Variants in ANKDD1B observed in about 807,000 individuals in gnomAD.
ANKDD1B encodes ankyrin repeat and death domain containing 1B.
A neutral mutation model predicts 59.7 loss-of-function variants in ANKDD1B; 57 were observed. That is an observed-to-expected ratio of 0.95 (90% CI 0.77 to 1.19). The LOEUF (loss-of-function observed/expected upper bound fraction) is 1.19, where lower values mean the gene tolerates loss of function less well. Among genes scored for constraint, ANKDD1B ranks in the 50% most tolerant of loss-of-function variants. ANKDD1B has a pLI of 0.00. For synonymous variants in ANKDD1B, 216 were observed against 239.5 expected (o/e 0.90, Z 0.91); for missense variants, 602 against 641.9 (o/e 0.94, Z 0.67).
At chr5:75,627,283 C>CATATAATTTTTTTTTA (rs1337222089) in intron 5 of ANKDD1B, among the ~76,000 whole-genome samples, 1 of 152,126 alleles carries the variant, frequency 6.6e-6, no homozygotes, top group East Asian at 1.9e-4. Context: ...TCTTGTCCCA[C>CATATAATTTTTTTTTA]ATATAATTTT....
At chr5:75,649,283 G>C (rs34350) in intron 7 of ANKDD1B, among the ~76,000 whole-genome samples, 89,335 of 149,464 alleles carry the variant, frequency 0.6, 30,142 homozygotes, top group Non-Finnish European at 0.74. Context: ...ATTTATGATT[G>C]ACTCTGATTT....
At chr5:75,632,133 G>GAAAAAA (rs1332522946) in intron 5 of ANKDD1B, among the ~76,000 whole-genome samples, 1 of 148,014 alleles carries the variant, frequency 6.8e-6, no homozygotes, top group South Asian at 2.1e-4. Flanking sequence ...AGAAGAAAAA[G>GAAAAAA]AAAAAAAGAC....
chr5:75,637,962 A>T (rs1774361206), intron 7 of ANKDD1B, among the ~76,000 whole-genome samples: 1 of 152,222 alleles, frequency 6.6e-6, no homozygotes, highest in African/African-American at 2.4e-5. Flanking sequence ...GCATGTGCTC[A>T]AACAACGACA....
Position 75,666,982 on chromosome 5 carries a change from A to G in ANKDD1B, c.1382A>G (p.Glu461Gly). 2 of 1,479,360 alleles carry G rather than the reference A, an allele frequency of 1.4e-6. No homozygotes were observed. The highest frequency in any genetic ancestry group is 1.8e-6 in the Non-Finnish European group (2 of 1,121,704). 91.6% of individuals were successfully genotyped at this position (1,479,360 alleles called of 1,614,324 possible). Residue 461 changes from glutamate to glycine, a missense_variant, in exon 12 of 14, where the codon GAG (glutamate) becomes GGG (glycine). Glu to Gly is a moderately conservative substitution (Grantham distance 98, BLOSUM62 -2). Coordinates refer to ENST00000601380, the MANE Select transcript of ANKDD1B (RefSeq NM_001276713.2). Reference protein sequence around the residue: ...FTDDQIRAIEEQWSGNESFRE... With the variant: ...FTDDQIRAIEGQWSGNESFRE... ...GATGACCAGATTAGAGCCATTGAGG[A>G]GCAGTGGTCGGGTGAGTACAGACTA...
At position 75,669,446 on chromosome 5, in the gene ANKDD1B, G is replaced by A. The variant is rs540804151; in HGVS notation, c.1525+63G>A. On this transcript the variant is annotated intron_variant, in intron 13 of 13. Coordinates refer to ENST00000601380, the MANE Select transcript of ANKDD1B (RefSeq NM_001276713.2). ...TTAAAATTTCAGGAAGCAGTCTACA[G>A]AAATATCATCCTGACCAGCTACAGC... is the stretch of plus-strand genomic sequence containing the variant. 214 of 1,217,372 alleles carry A rather than the reference G, an allele frequency of 1.8e-4. 1 individual carries two copies. In the South Asian group the frequency reaches 7.9e-3, roughly 45 times the overall value. 75.4% of individuals were successfully genotyped at this position (1,217,372 alleles called of 1,614,324 possible).
intron 5 of ANKDD1B, among the ~76,000 whole-genome samples, chr5:75,626,542 C>A (rs1368805855): frequency 6.6e-6 from 1 of 152,188 alleles, no homozygotes; most frequent in East Asian, 1.9e-4. Flanking sequence ...ATCTCATTAA[C>A]CCCTACAATA....
At chr5:75,639,942 A>G (rs1774419245) in intron 7 of ANKDD1B, among the ~76,000 whole-genome samples, 2 of 152,206 alleles carry the variant, frequency 1.3e-5, no homozygotes, top group African/African-American at 4.8e-5. Flanking sequence ...GTCATGTAAC[A>G]TTTAATCAGT....
intron 7 of ANKDD1B, among the ~76,000 whole-genome samples, chr5:75,647,985 A>G (rs961732690): frequency 1.3e-4 from 16 of 120,788 alleles, no homozygotes; most frequent in African/African-American, 7.9e-4. Context: ...CATCATTCTC[A>G]GTAAACTATC....
intron 5 of ANKDD1B, 173 bp from the exon 6 acceptor site, chr5:75,634,725 A>T: frequency 1.9e-6 from 1 of 539,104 alleles, no homozygotes; most frequent in Admixed American, 3.1e-5. Context: ...CACAGTTTTG[A>T]GTGAAAACCC....
At chr5:75,636,324 T>C (rs558692879) in intron 7 of ANKDD1B, among the ~76,000 whole-genome samples, 2 of 152,154 alleles carry the variant, frequency 1.3e-5, no homozygotes, top group East Asian at 3.9e-4. Flanking sequence ...GCAGGAGGGA[T>C]TTTGAGGATG....
intron 12 of ANKDD1B, among the ~76,000 whole-genome samples, chr5:75,667,295 C>T (rs543357782): frequency 1.3e-5 from 2 of 152,294 alleles, no homozygotes; most frequent in East Asian, 3.9e-4. Context: ...ACTGGACGGT[C>T]ACTAAGGAAG....
chr5:75,661,392 G>T (rs1411008907), intron 10 of ANKDD1B, among the ~76,000 whole-genome samples: 1 of 73,916 alleles, frequency 1.4e-5, no homozygotes, highest in African/African-American at 6.0e-5. Context: ...GCGAAACTCC[G>T]TCTGAAAAAA....
rs1418413968 is a variant in ANKDD1B, at chr5:75,667,012, A to C, written c.1393+19A>C. ...TGGTCGGGTGAGTACAGACTAGATG[A>C]TGTGGGCAGGAGGAATTCACTGTTA... On this transcript the variant is annotated intron_variant, in intron 12 of 13. Transcript: ENST00000601380. 5 of 1,409,140 alleles carry C rather than the reference A, an allele frequency of 3.5e-6. No individual in the cohort carries two copies. Among genetic ancestry groups the C allele is most frequent in the Non-Finnish European group, 4.6e-6 (5 of 1,079,886 alleles). 87.3% of individuals were successfully genotyped at this position (1,409,140 alleles called of 1,614,324 possible).
At chr5:75,631,971 G>T (rs766102626) in intron 5 of ANKDD1B, among the ~76,000 whole-genome samples, 18 of 152,028 alleles carry the variant, frequency 1.2e-4, no homozygotes, top group Non-Finnish European at 2.6e-4. Context: ...GCTGGGCATT[G>T]TGGTGCGCGC....
At chr5:75,633,278 G>C (rs550358587) in intron 5 of ANKDD1B, among the ~76,000 whole-genome samples, 1 of 151,870 alleles carries the variant, frequency 6.6e-6, no homozygotes, top group African/African-American at 2.4e-5. Flanking sequence ...GGTGACATAT[G>C]TGGCCCAAGA....
chr5:75,663,252 C>T (rs1775206419), intron 10 of ANKDD1B, 142 bp from the exon 11 acceptor site: 2 of 643,786 alleles, frequency 3.1e-6, no homozygotes, highest in African/African-American at 1.8e-5. Flanking sequence ...TTATAAAGAC[C>T]CAAAGAAGCA....
chr5:75,623,583 C>T (rs541078963), intron 3 of ANKDD1B, among the ~76,000 whole-genome samples: 4 of 152,028 alleles, frequency 2.6e-5, no homozygotes, highest in Non-Finnish European at 2.9e-5. Flanking sequence ...ACTAACTCAC[C>T]GTCTAGAGTG....
Position 75,634,870 on chromosome 5 carries a change from A to T in ANKDD1B, c.601-28A>T, listed in dbSNP as rs1251628359. 3.6e-6 allele frequency: 5 copies of T among 1,388,792 alleles called. No individual in the cohort carries two copies. The Admixed American group carries it at 9.9e-5, about 27-fold the overall frequency. The allele number at this position is 1,388,792 out of a possible 1,614,324, so 86.0% of individuals were successfully genotyped here. ...TGCTTGTTCACTAAGACTGTAATAA[A>T]TGCTTGAGGTTTGTGATTGATTTTT... On this transcript the variant is annotated intron_variant, in intron 5 of 13. Transcript: ENST00000601380.
intron 7 of ANKDD1B, among the ~76,000 whole-genome samples, chr5:75,638,527 A>G (rs1344332884): frequency 6.6e-6 from 1 of 152,246 alleles, no homozygotes; most frequent in Admixed American, 6.5e-5. Context: ...TCATGTGGCT[A>G]TCACATATAC....
Sources: gnomAD v4.1 joint callset for allele counts (sites outside exome capture counted in the v4.1 genomes callset) on GRCh38, gnomAD v4.1.1 for gene constraint, MANE v1.5 for transcripts, NCBI Gene and HGNC (gene_info 2026-07-23, HGNC 2026-07-21) for gene names.